Variants in NSMCE2 observed in about 807,000 individuals in gnomAD.
NSMCE2 encodes the protein E3 SUMO-protein ligase NSE2.
In NSMCE2, 24 loss-of-function variants were observed where a neutral mutation model predicts 23.8. The observed-to-expected ratio is 1.01, with a 90% CI of 0.73 to 1.42. NSMCE2 has a LOEUF of 1.42. Among genes scored for constraint, NSMCE2 ranks in the 40% most tolerant of loss-of-function variants. NSMCE2 has a pLI of 0.00. For synonymous variants in NSMCE2, 92 were observed against 94.1 expected, an observed-to-expected ratio of 0.98 and a Z score of 0.13; for missense variants, 284 against 296.5, an observed-to-expected ratio of 0.96 and a Z score of 0.31.
intron 5 of NSMCE2, among the ~76,000 whole-genome samples, chr8:125,349,358 T>C (rs1386892832): frequency 6.6e-6 from 1 of 152,186 alleles, no homozygotes; most frequent in Non-Finnish European, 1.5e-5. Context: ...TAAAATAATA[T>C]GGGCAGCCTA....
At chr8:125,244,712 T>C (rs77537711) in intron 5 of NSMCE2, among the ~76,000 whole-genome samples, 3,615 of 152,288 alleles carry the variant, frequency 0.024, 67 homozygotes, top group Middle Eastern at 0.051. Context: ...AAAAATTCAG[T>C]AAACACTGTC....
At chr8:125,321,858 T>A (rs1829472030) in intron 5 of NSMCE2, among the ~76,000 whole-genome samples, 1 of 152,222 alleles carries the variant, frequency 6.6e-6, no homozygotes, top group South Asian at 2.1e-4. Context: ...TTGTTGTTTT[T>A]GTTATGTTTC....
chr8:125,262,224 G>C (rs1826725714), intron 5 of NSMCE2, among the ~76,000 whole-genome samples: 1 of 152,098 alleles, frequency 6.6e-6, no homozygotes, highest in Admixed American at 6.5e-5. Context: ...AGGAGATTGA[G>C]ACCATCCTGG....
chr8:125,190,133 C>T (rs1025012216), intron 5 of NSMCE2, among the ~76,000 whole-genome samples: 5 of 152,180 alleles, frequency 3.3e-5, no homozygotes, highest in Non-Finnish European at 7.3e-5. Flanking sequence ...AGTGAAATTT[C>T]TGCCCTACAC....
chr8:125,284,060 A>G (rs188690915), intron 5 of NSMCE2, among the ~76,000 whole-genome samples: 182 of 152,052 alleles, frequency 1.2e-3, no homozygotes, highest in African/African-American at 4.1e-3. Flanking sequence ...AGGCTTAGGC[A>G]GGAGAATGGC....
chr8:125,156,955 T>G (rs1821353132), intron 4 of NSMCE2, among the ~76,000 whole-genome samples: 1 of 152,194 alleles, frequency 6.6e-6, no homozygotes, highest in Admixed American at 6.5e-5. Flanking sequence ...GTTACCATTT[T>G]AGTTAAACCA....
At chr8:125,329,939 T>C (rs937080362) in intron 5 of NSMCE2, among the ~76,000 whole-genome samples, 1 of 151,930 alleles carries the variant, frequency 6.6e-6, no homozygotes, top group Non-Finnish European at 1.5e-5. Flanking sequence ...TGGTTGTTAT[T>C]TTTTTTGTTA....
chr8:125,171,173 C>T (rs1822187140), intron 4 of NSMCE2, among the ~76,000 whole-genome samples: 1 of 152,204 alleles, frequency 6.6e-6, no homozygotes, highest in Non-Finnish European at 1.5e-5. Context: ...CATTTCCACT[C>T]TGCTCAATTG....
chr8:125,191,061 G>A (rs981985985), intron 5 of NSMCE2, among the ~76,000 whole-genome samples: 8 of 151,940 alleles, frequency 5.3e-5, no homozygotes, highest in African/African-American at 1.5e-4. Context: ...TAGTAGAGAC[G>A]GGGTTTCACC....
At chr8:125,255,808 A>G (rs1196786655) in intron 5 of NSMCE2, among the ~76,000 whole-genome samples, 2 of 152,160 alleles carry the variant, frequency 1.3e-5, no homozygotes, top group African/African-American at 2.4e-5. Context: ...TCCTTCTATC[A>G]GCAGTGGGGA....
chr8:125,305,574 G>A (rs1351710361), intron 5 of NSMCE2, among the ~76,000 whole-genome samples: 1 of 152,184 alleles, frequency 6.6e-6, no homozygotes, highest in African/African-American at 2.4e-5. Context: ...AAATGTGGGT[G>A]TTGCTGGCTT....
chr8:125,210,302 T>C (rs965048656), intron 5 of NSMCE2, among the ~76,000 whole-genome samples: 4 of 152,238 alleles, frequency 2.6e-5, no homozygotes, highest in Admixed American at 2.0e-4. Flanking sequence ...TACTACATCA[T>C]GTAGAATAGA....
chr8:125,318,276 C>T (rs1829285921), intron 5 of NSMCE2, among the ~76,000 whole-genome samples: 1 of 152,034 alleles, frequency 6.6e-6, no homozygotes, highest in African/African-American at 2.4e-5. Context: ...AGATGTAGTG[C>T]CTGTAGTCCC....
chr8:125,225,197 A>G (rs1370467883), intron 5 of NSMCE2, among the ~76,000 whole-genome samples: 1 of 152,230 alleles, frequency 6.6e-6, no homozygotes, highest in Non-Finnish European at 1.5e-5. Context: ...GACTGAAATC[A>G]GTTCTTAAAC....
chr8:125,102,545 T>A, intron 3 of NSMCE2, 58 bp downstream of exon 3: 1 of 1,407,900 alleles, frequency 7.1e-7, no homozygotes, highest in Non-Finnish European at 1.0e-6. Flanking sequence ...TGTGGTGGTA[T>A]TTATCTGGGG....
chr8:125,103,645 C>T (rs1818310118), intron 3 of NSMCE2, among the ~76,000 whole-genome samples: 1 of 152,188 alleles, frequency 6.6e-6, no homozygotes, highest in East Asian at 1.9e-4. Context: ...TCCCATAAAT[C>T]AGTGGAACTT....
At chr8:125,319,415 T>C (rs981746548) in intron 5 of NSMCE2, among the ~76,000 whole-genome samples, 5 of 152,084 alleles carry the variant, frequency 3.3e-5, no homozygotes, top group Admixed American at 2.6e-4. Context: ...ATGACACAGA[T>C]ATAAAAATTA....
chr8:125,229,955 A>T (rs946700981), intron 5 of NSMCE2, among the ~76,000 whole-genome samples: 2 of 152,178 alleles, frequency 1.3e-5, no homozygotes, highest in Non-Finnish European at 2.9e-5. Context: ...TATTTTAAAA[A>T]TTTAATTTTC....
chr8:125,319,602 T>C (rs1179512958), intron 5 of NSMCE2, among the ~76,000 whole-genome samples: 1 of 152,062 alleles, frequency 6.6e-6, no homozygotes, highest in East Asian at 1.9e-4. Flanking sequence ...ATGGCTGAAA[T>C]TTTTGAAAAG....
Sources: gnomAD v4.1 joint callset for allele counts (sites outside exome capture counted in the v4.1 genomes callset) on GRCh38, gnomAD v4.1.1 for gene constraint, MANE v1.5 for transcripts, NCBI Gene and HGNC (gene_info 2026-07-23, HGNC 2026-07-21) for gene names.